ENOX2: variants seen among roughly 807,000 people sequenced by gnomAD.
ENOX2 encodes the protein APK1 antigen.
A neutral mutation model predicts 45.0 loss-of-function variants in ENOX2; 36 were observed. The ratio of observed to expected loss-of-function variants is 0.80; its 90% confidence interval spans 0.61 to 1.06. The LOEUF is 1.06. Among genes scored for constraint, ENOX2 ranks in the 50% least tolerant of loss-of-function variants. The pLI, the probability that ENOX2 is intolerant of heterozygous loss-of-function variation, is 0.00. For synonymous variants in ENOX2, 174 were observed against 152.3 expected (o/e 1.14, Z -1.05); for missense variants, 423 against 462.5 (o/e 0.91, Z 0.78).
At position 130,625,135 on chromosome X, in the gene ENOX2, A is replaced by T; in HGVS notation, c.*179T>A. ...TTGTGGTTTGAGGCAATTTCTCTTT[A>T]GGGCCTGTAGTTCGAGGTGCTGTCC... On this transcript the variant is annotated 3_prime_UTR_variant, in exon 15 of 15. Coordinates refer to ENST00000394363, the MANE Select transcript of ENOX2 (RefSeq NM_006375.4). 2.2e-6 allele frequency: 1 copy of T among 461,211 alleles called. No homozygotes were observed. The highest frequency in any genetic ancestry group is 3.5e-6 in the Non-Finnish European group (1 of 282,328). 38.0% of individuals were successfully genotyped at this position (461,211 alleles called of 1,213,427 possible).
chrX:130,840,852 G>A, intron 2 of ENOX2, among the ~76,000 whole-genome samples: 1 of 111,572 alleles, frequency 9.0e-6, no homozygotes, highest in Non-Finnish European at 1.9e-5. Flanking sequence ...GGGTGACAGT[G>A]CAAGACCCCA....
intron 3 of ENOX2, among the ~76,000 whole-genome samples, chrX:130,705,545 T>C (rs1165626947): frequency 8.9e-6 from 1 of 112,396 alleles, no homozygotes; most frequent in African/African-American, 3.2e-5. Flanking sequence ...ATTAACAACA[T>C]TATTTCATCT....
At chrX:130,633,539 G>T (rs1020737082) in intron 12 of ENOX2, among the ~76,000 whole-genome samples, 6 of 112,647 alleles carry the variant, frequency 5.3e-5, no homozygotes, top group African/African-American at 1.9e-4. Flanking sequence ...ACACTTCATG[G>T]TCTATTCAGT....
At chrX:130,628,914 G>A (rs1166527492) in intron 13 of ENOX2, among the ~76,000 whole-genome samples, 7 of 105,842 alleles carry the variant, frequency 6.6e-5, no homozygotes, top group East Asian at 2.9e-4. Context: ...TTTTTTTTGC[G>A]TTCACCTCCT....
In ENOX2 at chrX:130,625,092, G is replaced by T; in HGVS notation, c.*222C>A. The T allele has an allele frequency of 2.8e-6, 1 of 361,635 alleles. No individual in the cohort carries two copies. The highest frequency in any genetic ancestry group is 4.8e-6 in the Non-Finnish European group (1 of 208,146). 29.8% of individuals were successfully genotyped at this position (361,635 alleles called of 1,213,427 possible). On this transcript the variant is annotated 3_prime_UTR_variant, in exon 15 of 15. Transcript: ENST00000394363. ...TTAAAGACAACCAATTGACAGAAAGGGGAGGAAGTTACAGCACTTGTGGTT... is the reference window on the plus strand; with the variant it reads ...TTAAAGACAACCAATTGACAGAAAGTGGAGGAAGTTACAGCACTTGTGGTT...
At chrX:130,843,229 C>G (rs1443700159) in intron 2 of ENOX2, among the ~76,000 whole-genome samples, 2 of 111,571 alleles carry the variant, frequency 1.8e-5, no homozygotes, top group Admixed American at 9.5e-5. Flanking sequence ...AGCCAGAAAC[C>G]TGGGAGTTAT....
At chrX:130,701,947 T>C (rs1005223678) in intron 4 of ENOX2, among the ~76,000 whole-genome samples, 1 of 112,140 alleles carries the variant, frequency 8.9e-6, no homozygotes, top group African/African-American at 3.2e-5. Flanking sequence ...CTGCCATATA[T>C]AGAATTTAGA....
chrX:130,808,574 A>C (rs1337356048), intron 2 of ENOX2, among the ~76,000 whole-genome samples: 2 of 112,202 alleles, frequency 1.8e-5, no homozygotes, highest in Non-Finnish European at 3.8e-5. Flanking sequence ...AAATACCACC[A>C]ATTAGGTTAA....
chrX:130,744,881 T>G (rs2039064849), intron 3 of ENOX2, among the ~76,000 whole-genome samples: 1 of 111,265 alleles, frequency 9.0e-6, no homozygotes, highest in Admixed American at 9.5e-5. Context: ...CTGAGCTCCG[T>G]CTCCTGTCAG....
chrX:130,666,224 C>T (rs1250465226), intron 8 of ENOX2, among the ~76,000 whole-genome samples: 2 of 112,026 alleles, frequency 1.8e-5, no homozygotes, highest in African/African-American at 6.5e-5. Flanking sequence ...AGAATTCATG[C>T]TTTTACTATT....
chrX:130,879,570 T>C (rs1260014150), intron 2 of ENOX2, among the ~76,000 whole-genome samples: 1 of 111,152 alleles, frequency 9.0e-6, no homozygotes, highest in Non-Finnish European at 1.9e-5. Context: ...GAATGCAGGC[T>C]TTCTAAGAGC....
chrX:130,832,121 G>A (rs1251863010), intron 2 of ENOX2, among the ~76,000 whole-genome samples: 2 of 110,583 alleles, frequency 1.8e-5, no homozygotes, highest in East Asian at 2.8e-4. Flanking sequence ...GGACCCTGAA[G>A]GTGACAGCCG....
At chrX:130,840,147 T>A in intron 2 of ENOX2, among the ~76,000 whole-genome samples, 1 of 111,872 alleles carries the variant, frequency 8.9e-6, no homozygotes, top group East Asian at 2.8e-4. Context: ...AATATCCTGG[T>A]CATCTTATTA....
intron 10 of ENOX2, among the ~76,000 whole-genome samples, chrX:130,649,122 A>C (rs1939455376): frequency 1.0e-5 from 1 of 99,693 alleles, no homozygotes; most frequent in South Asian, 5.1e-4. Context: ...TCACCATATG[A>C]TCTCTGCCTA....
intron 2 of ENOX2, among the ~76,000 whole-genome samples, chrX:130,812,014 GT>G (rs2077397618): frequency 9.0e-6 from 1 of 111,429 alleles, no homozygotes; most frequent in South Asian, 3.8e-4. Flanking sequence ...AAAATATACA[GT>G]AAGAGGAAAA....
intron 3 of ENOX2, among the ~76,000 whole-genome samples, chrX:130,760,217 T>G (rs1340043462): frequency 9.0e-6 from 1 of 111,458 alleles, no homozygotes; most frequent in East Asian, 2.8e-4. Context: ...TTTATTCCTT[T>G]TGTAGATTTC....
At chrX:130,814,250 G>C (rs1313333728) in intron 2 of ENOX2, among the ~76,000 whole-genome samples, 1 of 112,345 alleles carries the variant, frequency 8.9e-6, no homozygotes, top group Non-Finnish European at 1.9e-5. Context: ...CCAGTCAGGG[G>C]ATTATAGATA....
At chrX:130,625,868 GA>G (rs1325528961) in intron 14 of ENOX2, among the ~76,000 whole-genome samples, 98 of 110,249 alleles carry the variant, frequency 8.9e-4, no homozygotes, top group African/African-American at 2.9e-3. Flanking sequence ...CAGGAAGGGG[GA>G]AATCGCTGTG....
At chrX:130,655,427 A>G (rs1046753111) in intron 10 of ENOX2, among the ~76,000 whole-genome samples, 8 of 111,755 alleles carry the variant, frequency 7.2e-5, no homozygotes, top group South Asian at 3.8e-4. Flanking sequence ...TGACTTCACT[A>G]TACAAGCACT....
Sources: gnomAD v4.1 joint callset for allele counts (sites outside exome capture counted in the v4.1 genomes callset) on GRCh38, gnomAD v4.1.1 for gene constraint, MANE v1.5 for transcripts, NCBI Gene and HGNC (gene_info 2026-07-23, HGNC 2026-07-21) for gene names.